C12orf43: variants seen among roughly 807,000 people sequenced by gnomAD.
C12orf43 encodes chromosome 12 open reading frame 43.
C12orf43 carries 15 observed loss-of-function variants against 20.6 expected under a neutral mutation model. The observed-to-expected ratio is 0.73, with a 90% CI of 0.49 to 1.12. The LOEUF (loss-of-function observed/expected upper bound fraction) is 1.12. C12orf43 is among the 50% of genes most tolerant of loss of function. The pLI, the probability that C12orf43 is intolerant of heterozygous loss-of-function variation, is 0.00. For synonymous variants in C12orf43, 144 were observed against 130.8 expected, an observed-to-expected ratio of 1.10 and a Z score of -0.69; for missense variants, 334 against 344.4, an observed-to-expected ratio of 0.97 and a Z score of 0.24.
chr12:121,010,283 G>A (rs975579504), intron 3 of C12orf43, among the ~76,000 whole-genome samples: 1 of 152,212 alleles, frequency 6.6e-6, no homozygotes, highest in African/African-American at 2.4e-5. Context: ...CGCCAGCATG[G>A]GCGACAGAGT....
chr12:121,014,103 G>A (rs557488791), intron 1 of C12orf43, among the ~76,000 whole-genome samples: 31 of 152,220 alleles, frequency 2.0e-4, no homozygotes, highest in African/African-American at 7.5e-4. Context: ...CAAGGTGGGC[G>A]GATCACCTGA....
intron 1 of C12orf43, among the ~76,000 whole-genome samples, chr12:121,012,127 T>C (rs889697151): frequency 6.6e-6 from 1 of 152,172 alleles, no homozygotes; most frequent in Admixed American, 6.5e-5. Flanking sequence ...GCTTCACTGA[T>C]AAGGCAACAT....
intron 2 of C12orf43, 74 bp downstream of exon 2, chr12:121,011,030 A>C: frequency 3.2e-6 from 5 of 1,580,320 alleles, no homozygotes; most frequent in Non-Finnish European, 4.4e-6. Flanking sequence ...CCAGGCGTGA[A>C]GCCTAGCATC....
intron 3 of C12orf43, among the ~76,000 whole-genome samples, chr12:121,010,256 T>A (rs68088379): frequency 4.6e-5 from 7 of 152,186 alleles, no homozygotes; most frequent in Non-Finnish European, 8.8e-5. Flanking sequence ...TGAGCCAAGA[T>A]TGTGCGTGCC....
In C12orf43 at chr12:121,005,100, T is replaced by C. The variant is rs371754460; in HGVS notation, c.362-7A>G. ...GTGAAGAAAAGGCGGAAACCTAAGA[T>C]TCAATGGGGCAGAGTCAAACAAAAA... On this transcript the variant is annotated splice_polypyrimidine_tract_variant and splice_region_variant and intron_variant, in intron 4 of 5. Transcript: ENST00000288757. This position sits in a 1 kb window ranked among gnomAD's most constrained non-coding sequence, Gnocchi z 5.6. The C allele has an allele frequency of 1.0e-4, 139 of 1,331,962 alleles. No individual in the cohort carries two copies. In the African/African-American group the frequency reaches 1.9e-3, roughly 18 times the overall value. 82.5% of individuals were successfully genotyped at this position (1,331,962 alleles called of 1,614,324 possible). A position where few individuals can be genotyped will look rare whatever the true frequency, so the allele number is the denominator to read the frequency against.
chr12:121,005,215 GAT>G lies in C12orf43; in HGVS notation c.362-124_362-123del. 2 of 409,688 alleles carry G rather than the reference GAT, an allele frequency of 4.9e-6. No homozygotes were observed. Among genetic ancestry groups the G allele is most frequent in the East Asian group, 4.2e-5 (1 of 23,766 alleles). The allele number at this position is 409,688 out of a possible 1,614,324, so 25.4% of individuals were successfully genotyped here. ...AAAAAGGAAAACGAAAGAAAGAAAA[GAT>G]AAAGAGAAACAAAAAAAAAATTTTA... On this transcript the variant is annotated intron_variant, in intron 4 of 5. Coordinates refer to ENST00000288757, the MANE Select transcript of C12orf43 (RefSeq NM_022895.3). This position sits in a 1 kb window ranked among gnomAD's most constrained non-coding sequence, Gnocchi z 5.6.
rs10636003 is a variant in C12orf43 at position 121,012,849 on chromosome 12, T to TAAAAAAAA, written c.146-1711_146-1704dup. The stretch of plus-strand genomic sequence containing the variant: ...CCTGGTGACAGAGCAAGACTCCGTC[T>TAAAAAAAA]AAAAAAAAAAAAAAAAAAAAAAAAA... On this transcript the variant is annotated intron_variant, in intron 1 of 5. Transcript: ENST00000288757. Among the ~76,000 whole-genome samples the TAAAAAAAA allele has an allele frequency of 8.6e-4, 79 of 91,916 alleles. 4 individuals carry two copies. The highest frequency in any genetic ancestry group is 1.3e-3 in the South Asian group (4 of 3,100). 60.3% of individuals were successfully genotyped at this position (91,916 alleles called of 152,430 possible).
At chr12:121,009,169 G>A (rs1592915548) in intron 3 of C12orf43, among the ~76,000 whole-genome samples, 1 of 152,216 alleles carries the variant, frequency 6.6e-6, no homozygotes, top group Middle Eastern at 3.4e-3. Context: ...ACCCCAGCTG[G>A]GCATGGTGCC....
intron 1 of C12orf43, 62 bp from the exon 2 acceptor site, chr12:121,011,208 T>C (rs1336062866): frequency 7.0e-7 from 1 of 1,425,422 alleles, no homozygotes; most frequent in Non-Finnish European, 9.9e-7. Flanking sequence ...AACAAATGCG[T>C]GCCAGGCACT....
chr12:121,016,218 T>C (rs569543839), intron 1 of C12orf43, 112 bp downstream of exon 1: 2 of 1,522,402 alleles, frequency 1.3e-6, no homozygotes, highest in Admixed American at 3.4e-5. Flanking sequence ...CCTGGAGGTC[T>C]CTCGGGGAAG....
intron 3 of C12orf43, among the ~76,000 whole-genome samples, chr12:121,007,572 A>G (rs899186651): frequency 1.3e-5 from 2 of 152,240 alleles, no homozygotes; most frequent in African/African-American, 4.8e-5. Context: ...AATGGTAGCT[A>G]TGATGACGAT....
rs995959616 is a variant in C12orf43, at chr12:121,001,972, C to T, written c.*2181G>A. On this transcript the variant is annotated 3_prime_UTR_variant, in exon 6 of 6. Transcript: ENST00000288757. ...CCTGCCTCTACTGGGAAGGCTACTT[C>T]GGGGCTGGGAAGTCGTCCTTACTCC... 2.0e-4 allele frequency: 107 copies of T among 533,746 alleles called. No individual in the cohort carries two copies. The highest frequency in any genetic ancestry group is 1.8e-4 in the Non-Finnish European group (49 of 275,356). The allele number at this position is 533,746 out of a possible 1,614,324, so 33.1% of individuals were successfully genotyped here. A position where few individuals can be genotyped will look rare whatever the true frequency, so the allele number is the denominator to read the frequency against.
Position 121,005,219 on chromosome 12 carries a change from AAG to A in C12orf43, c.362-128_362-127del, listed in dbSNP as rs1877906307. ...AGGAAAACGAAAGAAAGAAAAGATA[AAG>A]AGAAACAAAAAAAAAATTTTAAGAA... is the stretch of plus-strand genomic sequence containing the variant. On this transcript the variant is annotated intron_variant, in intron 4 of 5. Coordinates refer to ENST00000288757, the MANE Select transcript of C12orf43 (RefSeq NM_022895.3). The surrounding 1 kb of genome is among the most constrained non-coding windows in gnomAD (Gnocchi z 5.6). 1 of 491,374 alleles carries A rather than the reference AAG, an allele frequency of 2.0e-6. No homozygotes were observed. Among genetic ancestry groups the A allele is most frequent in the South Asian group, 1.1e-4 (1 of 8,952 alleles). 30.4% of individuals were successfully genotyped at this position (491,374 alleles called of 1,614,324 possible). A position where few individuals can be genotyped will look rare whatever the true frequency, so the allele number is the denominator to read the frequency against.
At position 121,000,839 on chromosome 12, in the gene C12orf43, G is replaced by T. The variant is rs1192613073; in HGVS notation, c.*3314C>A. ...GGCATCTCACCGGGGCTTCTCCAGT[G>T]TTCACACTAAGATGTACTCAGGCCA... On this transcript the variant is annotated 3_prime_UTR_variant, in exon 6 of 6. Transcript: ENST00000288757. 1.2e-5 allele frequency: 7 copies of T among 585,610 alleles called. No homozygotes were observed. Among genetic ancestry groups the T allele is most frequent in the Admixed American group, 2.7e-5 (1 of 37,122 alleles). The allele number at this position is 585,610 out of a possible 1,614,324, so 36.3% of individuals were successfully genotyped here. A position where few individuals can be genotyped will look rare whatever the true frequency, so the allele number is the denominator to read the frequency against.
rs1845534606 is a variant in C12orf43, at chr12:121,005,280, T to C, written c.362-187A>G. Among the ~76,000 whole-genome samples, 1 of 140,682 alleles carries C rather than the reference T, an allele frequency of 7.1e-6. No individual in the cohort carries two copies. Among genetic ancestry groups the C allele is most frequent in the Non-Finnish European group, 1.6e-5 (1 of 63,408 alleles). 92.3% of individuals were successfully genotyped at this position (140,682 alleles called of 152,430 possible). ...ATAAAAAAATTTAAAAAAGAAACAA[T>C]AACAAAAAAACCCAACCAAGCAAAC... is the stretch of plus-strand genomic sequence containing the variant. On this transcript the variant is annotated intron_variant, in intron 4 of 5. Transcript: ENST00000288757. The surrounding 1 kb of genome is among the most constrained non-coding windows in gnomAD (Gnocchi z 5.6).
In C12orf43 at chr12:121,002,465, G is replaced by A; in HGVS notation, c.*1688C>T. 1 of 525,556 alleles carries A rather than the reference G, an allele frequency of 1.9e-6. No homozygotes were observed. The highest frequency in any genetic ancestry group is 3.7e-6 in the Non-Finnish European group (1 of 269,770). The allele number at this position is 525,556 out of a possible 1,614,324, so 32.6% of individuals were successfully genotyped here. A position where few individuals can be genotyped will look rare whatever the true frequency, so the allele number is the denominator to read the frequency against. On this transcript the variant is annotated 3_prime_UTR_variant, in exon 6 of 6. Coordinates refer to ENST00000288757, the MANE Select transcript of C12orf43 (RefSeq NM_022895.3). ...AGCTTGTAGCCAGCCGGGGCGAGTG[G>A]CACGTTTATTTAACTTTTAGTAAAG...
rs534957973 is a variant in C12orf43, at chr12:121,008,283, C to T, written c.288-1889G>A. 4.6e-5 allele frequency among the ~76,000 whole-genome samples: 7 copies of T among 151,930 alleles called. No individual in the cohort carries two copies. In the South Asian group the frequency reaches 8.3e-4, roughly 18 times the overall value. On this transcript the variant is annotated intron_variant, in intron 3 of 5. Coordinates refer to ENST00000288757, the MANE Select transcript of C12orf43 (RefSeq NM_022895.3). ...CCAAGTAGCTGGGATAACAGGTGCA[C>T]GCCACCATGCCCAGCTAATTTTTGC...
chr12:121,004,707 G>GT lies in C12orf43; in HGVS notation c.453-219dup, dbSNP rs1218578968. On this transcript the variant is annotated intron_variant, in intron 5 of 5. Transcript: ENST00000288757. This position sits in a 1 kb window ranked among gnomAD's most constrained non-coding sequence, Gnocchi z 5.6. ...CTTAAGTGACTTAACCTCTCTGACT[G>GT]TATCATCTCTAAAACGGGGATCTTA... is the stretch of plus-strand genomic sequence containing the variant. Among the ~76,000 whole-genome samples the GT allele has an allele frequency of 6.6e-6, 1 of 152,194 alleles. No homozygotes were observed. The highest frequency in any genetic ancestry group is 1.5e-5 in the Non-Finnish European group (1 of 68,036).
chr12:121,012,073 G>A (rs1185825297), intron 1 of C12orf43, among the ~76,000 whole-genome samples: 1 of 152,046 alleles, frequency 6.6e-6, no homozygotes, highest in African/African-American at 2.4e-5. Flanking sequence ...GAGAGGTGGG[G>A]AGTGTTGGGC....
Sources: gnomAD v4.1 joint callset for allele counts (sites outside exome capture counted in the v4.1 genomes callset) on GRCh38, gnomAD v4.1.1 for gene constraint, Gnocchi (gnomAD v3.1) non-coding constraint, MANE v1.5 for transcripts, NCBI Gene and HGNC (gene_info 2026-07-23, HGNC 2026-07-21) for gene names.